Variants in SLC25A53 observed in about 807,000 individuals in gnomAD.
SLC25A53 encodes the protein solute carrier family 25 member 53, also known as mitochondrial carrier triple repeat protein 6.
A neutral mutation model predicts 15.0 loss-of-function variants in SLC25A53; 5 were observed. That is an observed-to-expected ratio of 0.33 (90% CI 0.17 to 0.70). The LOEUF is 0.70. Among genes scored for constraint, SLC25A53 ranks in the 30% least tolerant of loss-of-function variants. SLC25A53 has a pLI of 0.67. For synonymous variants in SLC25A53, 95 were observed against 100.0 expected (o/e 0.95, Z 0.30); for missense variants, 216 against 241.6 (o/e 0.89, Z 0.70).
intron 1 of SLC25A53, among the ~76,000 whole-genome samples, chrX:104,121,952 G>C: frequency 1.6e-5 from 1 of 63,702 alleles, no homozygotes; most frequent in East Asian, 5.9e-4. Flanking sequence ...TAGATATTTG[G>C]TAGAGATGGC....
chrX:104,116,120 G>C (rs782714164), intron 1 of SLC25A53, among the ~76,000 whole-genome samples: 2 of 108,726 alleles, frequency 1.8e-5, no homozygotes, highest in Non-Finnish European at 3.8e-5. Context: ...ATGGGGAACG[G>C]GGGGGGGACA....
rs369448755 is a variant in SLC25A53, at chrX:104,104,809, C to T, written c.449G>A (p.Arg150His). The T allele has an allele frequency of 8.3e-6, 10 of 1,209,851 alleles. No homozygotes were observed. The African/African-American group carries it at 1.2e-4, about 15-fold the overall frequency. ...NVLQDGRKQA[R>H]FPSTFSILKE... is the part of the protein sequence containing the mutation. ...GAGAATGCTGAAGGTGCTGGGGAAG[C>T]GAGCTTGCTTGCGACCATCCTGGAG... The change falls in exon 2 of 2, where the codon CGC (arginine) becomes CAC (histidine). Residue 150 changes from arginine (R) to histidine (H), a missense_variant. By Grantham distance (29) the Arg-to-His change is conservative (BLOSUM62 0). Coordinates refer to ENST00000594199, the MANE Select transcript of SLC25A53 (RefSeq NM_001012755.5).
At chrX:104,145,291 C>T (rs2075462848) in intron 1 of SLC25A53, among the ~76,000 whole-genome samples, 2 of 112,236 alleles carry the variant, frequency 1.8e-5, no homozygotes, top group Admixed American at 1.9e-4. Flanking sequence ...GTATCAGAAT[C>T]TCTGGGACAC....
intron 1 of SLC25A53, among the ~76,000 whole-genome samples, chrX:104,132,694 T>C (rs1307985501): frequency 8.9e-6 from 1 of 111,885 alleles, no homozygotes; most frequent in Admixed American, 9.5e-5. Flanking sequence ...TGGAGGAGAA[T>C]CTACATTTAA....
At chrX:104,123,541 GTTTAT>G (rs1452443381) in intron 1 of SLC25A53, among the ~76,000 whole-genome samples, 1 of 91,226 alleles carries the variant, frequency 1.1e-5, no homozygotes, top group Non-Finnish European at 2.3e-5. Flanking sequence ...TTGCTGATTT[GTTTAT>G]TTTTTTTTTT....
intron 1 of SLC25A53, chrX:104,114,792 T>G: frequency 8.3e-7 from 1 of 1,211,224 alleles, no homozygotes; most frequent in Non-Finnish European, 1.1e-6. Flanking sequence ...ATGCTTTTAT[T>G]AAACGGAAGC....
At chrX:104,136,762 T>G (rs1426224767) in intron 1 of SLC25A53, among the ~76,000 whole-genome samples, 1 of 112,002 alleles carries the variant, frequency 8.9e-6, no homozygotes, top group Non-Finnish European at 1.9e-5. Context: ...TCCTGCAAAG[T>G]GTCTTGTACT....
intron 1 of SLC25A53, among the ~76,000 whole-genome samples, chrX:104,123,559 CTTT>C (rs1157826914): frequency 9.3e-6 from 1 of 107,269 alleles, no homozygotes; most frequent in Non-Finnish European, 1.9e-5. Context: ...TTTTTTTTTA[CTTT>C]TTTTCCCTTT....
intron 1 of SLC25A53, among the ~76,000 whole-genome samples, chrX:104,135,827 T>C (rs1341086394): frequency 8.9e-6 from 1 of 112,197 alleles, no homozygotes; most frequent in Non-Finnish European, 1.9e-5. Flanking sequence ...TGAGGAATGC[T>C]TGAAATGGCT....
chrX:104,150,318 T>C (rs1249932793), intron 1 of SLC25A53, among the ~76,000 whole-genome samples: 5 of 110,948 alleles, frequency 4.5e-5, no homozygotes, highest in African/African-American at 1.6e-4. Context: ...CATATCTGAC[T>C]ATTTATCTGC....
At chrX:104,150,581 C>G (rs782550528) in intron 1 of SLC25A53, among the ~76,000 whole-genome samples, 24 of 112,420 alleles carry the variant, frequency 2.1e-4, no homozygotes, top group African/African-American at 7.8e-4. Flanking sequence ...TGAACTTTGA[C>G]TAAGCCATAA....
In SLC25A53 at chrX:104,145,379, C is replaced by T. The variant is rs1357130506; in HGVS notation, c.-32+11499G>A. Among the ~76,000 whole-genome samples the T allele has an allele frequency of 4.5e-5, 5 of 111,484 alleles. No individual in the cohort carries two copies. In the Admixed American group the frequency reaches 4.8e-4, roughly 11 times the overall value. ...AAGCAGGAAGATTAAAATCAACACC[C>T]TAATATCACAATTAAAAGAACTAGA... On this transcript the variant is annotated intron_variant, in intron 1 of 1. Transcript: ENST00000594199.
At chrX:104,128,570 G>A (rs2075417266) in intron 1 of SLC25A53, among the ~76,000 whole-genome samples, 1 of 111,579 alleles carries the variant, frequency 9.0e-6, no homozygotes, top group South Asian at 3.7e-4. Flanking sequence ...CCAACCTCAT[G>A]GAGATATGTA....
In SLC25A53 at chrX:104,100,044, GATTT is replaced by G. The variant is rs1340133624; in HGVS notation, c.*4286_*4289del. The G allele has an allele frequency of 9.0e-6, 1 of 111,515 alleles. No individual in the cohort carries two copies. Among genetic ancestry groups the G allele is most frequent in the African/African-American group, 3.3e-5 (1 of 30,701 alleles). 9.2% of individuals were successfully genotyped at this position (111,515 alleles called of 1,213,427 possible). A position where few individuals can be genotyped will look rare whatever the true frequency, so the allele number is the denominator to read the frequency against. Reference sequence around the variant, plus strand: ...TCTGAAAGCTTTTTATATTGTTTCTGATTTATTATGCTTTTTCTCTCATATGCAA... The same window carrying G: ...TCTGAAAGCTTTTTATATTGTTTCTGATTATGCTTTTTCTCTCATATGCAA... On this transcript the variant is annotated 3_prime_UTR_variant, in exon 2 of 2. Transcript: ENST00000594199.
intron 1 of SLC25A53, chrX:104,111,987 G>C (rs1160652204): frequency 8.9e-6 from 1 of 111,747 alleles, no homozygotes; most frequent in Non-Finnish European, 1.9e-5. Context: ...GTCAGACATG[G>C]TGACTTGGGT....
At position 104,129,767 on chromosome X, in the gene SLC25A53, TTATA is replaced by T. The variant is rs1351506470; in HGVS notation, c.-31-24483_-31-24480del. Among the ~76,000 whole-genome samples, 47 of 106,355 alleles carry T rather than the reference TTATA, an allele frequency of 4.4e-4. 1 individual carries two copies. The highest frequency in any genetic ancestry group is 5.8e-4 in the Non-Finnish European group (30 of 52,057). 92.4% of individuals were successfully genotyped at this position (106,355 alleles called of 115,157 possible). A position where few individuals can be genotyped will look rare whatever the true frequency, so the allele number is the denominator to read the frequency against. ...TATATGTATATATATATAACTACAT[TTATA>T]TATATAAGAATCAACTATATATATA... On this transcript the variant is annotated intron_variant, in intron 1 of 1. Coordinates refer to ENST00000594199, the MANE Select transcript of SLC25A53 (RefSeq NM_001012755.5).
At chrX:104,119,540 T>C (rs2075387328) in intron 1 of SLC25A53, among the ~76,000 whole-genome samples, 1 of 111,383 alleles carries the variant, frequency 9.0e-6, no homozygotes, top group African/African-American at 3.3e-5. Context: ...CTGTATTGTG[T>C]TTAGATAGTT....
rs1425067161 is a variant in SLC25A53 at position 104,115,165 on chromosome X, T to C, written c.-31-9877A>G. Reference sequence around the variant, plus strand: ...AAAATACACAACCCGCTGCTCATATTGTGGGGAGGAGGGCCACTCAAAAGA... The same window carrying C: ...AAAATACACAACCCGCTGCTCATATCGTGGGGAGGAGGGCCACTCAAAAGA... On this transcript the variant is annotated intron_variant, in intron 1 of 1. Coordinates refer to ENST00000594199, the MANE Select transcript of SLC25A53 (RefSeq NM_001012755.5). The C allele has an allele frequency of 4.1e-6, 5 of 1,207,536 alleles. No individual in the cohort carries two copies. The highest frequency in any genetic ancestry group is 5.6e-6 in the Non-Finnish European group (5 of 893,972).
At chrX:104,131,183 T>G (rs1244327855) in intron 1 of SLC25A53, 1 of 112,091 alleles carries the variant, frequency 8.9e-6, no homozygotes, top group African/African-American at 3.2e-5. Flanking sequence ...ACCTCTCCAT[T>G]TGATTTCTCC....
Sources: allele counts gnomAD v4.1 joint callset (sites outside exome capture counted in the v4.1 genomes callset), GRCh38; gene constraint gnomAD v4.1.1; transcripts MANE v1.5; gene names NCBI Gene and HGNC (gene_info 2026-07-23, HGNC 2026-07-21).